Variants in PYY observed in about 807,000 individuals in gnomAD.
The protein encoded by PYY is peptide YY, also known as peptide tyrosine tyrosine.
Under a neutral mutation model 10.3 loss-of-function variants are expected in PYY, and 12 were observed. The observed-to-expected ratio is 1.17, with a 90% CI of 0.75 to 1.89. The LOEUF (loss-of-function observed/expected upper bound fraction) is 1.89. Among genes scored for constraint, PYY ranks in the 40% most tolerant of loss-of-function variants. The pLI is 0.00. For synonymous variants in PYY, 66 were observed against 62.0 expected (o/e 1.06, Z -0.30); for missense variants, 141 against 134.0 (o/e 1.05, Z -0.26).
At chr17:43,971,711 T>C (rs2048795165) in intron 1 of PYY, among the ~76,000 whole-genome samples, 1 of 151,970 alleles carries the variant, frequency 6.6e-6, no homozygotes, top group South Asian at 2.1e-4. Context: ...TTGTTGGTTT[T>C]CTTATTGTTG....
At chr17:43,973,718 C>T (rs567764393) in intron 1 of PYY, among the ~76,000 whole-genome samples, 34 of 152,288 alleles carry the variant, frequency 2.2e-4, no homozygotes, top group African/African-American at 7.5e-4. Flanking sequence ...TCACTTGAAC[C>T]GGGAAGGCAG....
intron 1 of PYY, among the ~76,000 whole-genome samples, chr17:43,973,750 G>C (rs1414390168): frequency 6.6e-6 from 1 of 152,200 alleles, no homozygotes; most frequent in Admixed American, 6.5e-5. Context: ...AGCCAAGATC[G>C]TGCCTCTGCA....
At chr17:43,977,604 CT>C (rs758749235) in intron 1 of PYY, among the ~76,000 whole-genome samples, 1 of 152,130 alleles carries the variant, frequency 6.6e-6, no homozygotes, top group Non-Finnish European at 1.5e-5. Context: ...CCTCTGTCCA[CT>C]TTCTCCTGCT....
At chr17:43,979,695 TTA>T (rs772955350) in intron 1 of PYY, among the ~76,000 whole-genome samples, 146 of 149,926 alleles carry the variant, frequency 9.7e-4, no homozygotes, top group Non-Finnish European at 1.6e-3. Context: ...AAAAAAAAAT[TTA>T]TATATATAAT....
chr17:43,962,952 C>T (rs1033067644), intron 2 of PYY, among the ~76,000 whole-genome samples: 1 of 151,650 alleles, frequency 6.6e-6, no homozygotes, highest in Non-Finnish European at 1.5e-5. Context: ...AGAGCAGGAT[C>T]AAAATTAAGC....
At chr17:43,961,460 C>A (rs1409004349) in intron 2 of PYY, among the ~76,000 whole-genome samples, 1 of 152,200 alleles carries the variant, frequency 6.6e-6, no homozygotes, top group Non-Finnish European at 1.5e-5. Flanking sequence ...GCTTCCTGTG[C>A]TCCTGTCCCA....
At position 43,952,862 on chromosome 17, in the gene PYY, G is replaced by T; in HGVS notation, c.*94C>A. 1.4e-6 allele frequency: 2 copies of T among 1,381,786 alleles called. No individual in the cohort carries two copies. Among genetic ancestry groups the T allele is most frequent in the Non-Finnish European group, 1.9e-6 (2 of 1,030,882 alleles). The allele number at this position is 1,381,786 out of a possible 1,614,324, so 85.6% of individuals were successfully genotyped here. Reference sequence around the variant, plus strand: ...ACCCGAACCCTGCCCAGACGCCGCCGTCGGGAGGCAGAATCCGGGTTTCTG... The same window carrying T: ...ACCCGAACCCTGCCCAGACGCCGCCTTCGGGAGGCAGAATCCGGGTTTCTG... On this transcript the variant is annotated 3_prime_UTR_variant, in exon 4 of 4. Coordinates refer to ENST00000692052, the MANE Select transcript of PYY (RefSeq NM_001394028.1).
At chr17:44,000,166 C>T (rs1033705379) in intron 1 of PYY, among the ~76,000 whole-genome samples, 2 of 152,154 alleles carry the variant, frequency 1.3e-5, no homozygotes, top group African/African-American at 4.8e-5. Context: ...TACACATGCA[C>T]ACCATTATGC....
chr17:43,973,201 T>C (rs943174080), intron 1 of PYY, among the ~76,000 whole-genome samples: 1 of 152,040 alleles, frequency 6.6e-6, no homozygotes, highest in African/African-American at 2.4e-5. Flanking sequence ...TGAAAGTAAG[T>C]TTTTAAAAAG....
At chr17:43,965,818 G>GAA (rs2048752314) in intron 2 of PYY, among the ~76,000 whole-genome samples, 1 of 74,360 alleles carries the variant, frequency 1.3e-5, no homozygotes, top group Non-Finnish European at 2.9e-5. Flanking sequence ...AAAAAAAAAA[G>GAA]AGAGAGAAAC....
intron 1 of PYY, among the ~76,000 whole-genome samples, chr17:43,998,121 T>A (rs2049002934): frequency 6.6e-6 from 1 of 152,126 alleles, no homozygotes; most frequent in South Asian, 2.1e-4. Context: ...GTATTTTTAG[T>A]AGAGACGGAG....
intron 2 of PYY, among the ~76,000 whole-genome samples, chr17:43,965,820 GAGA>G (rs2048752417): frequency 9.8e-6 from 1 of 102,026 alleles, no homozygotes; most frequent in Non-Finnish European, 2.1e-5. Context: ...AAAAAAAAGA[GAGA>G]GAAACAAGTA....
intron 1 of PYY, among the ~76,000 whole-genome samples, chr17:43,986,506 T>G (rs1193319536): frequency 6.6e-6 from 1 of 151,938 alleles, no homozygotes; most frequent in Non-Finnish European, 1.5e-5. Context: ...AGGAAAGGAG[T>G]TTGAATATTG....
At chr17:44,002,200 G>A (rs778019816) in intron 1 of PYY, among the ~76,000 whole-genome samples, 28 of 152,254 alleles carry the variant, frequency 1.8e-4, no homozygotes, top group African/African-American at 5.5e-4. Flanking sequence ...TCTCCCCCCC[G>A]GGACAGTGTG....
At chr17:43,995,154 T>C (rs995827568) in intron 1 of PYY, among the ~76,000 whole-genome samples, 10 of 152,212 alleles carry the variant, frequency 6.6e-5, no homozygotes, top group Admixed American at 6.5e-4. Context: ...CGAGGACCCC[T>C]GGGGTATTTT....
intron 1 of PYY, among the ~76,000 whole-genome samples, chr17:43,992,705 CA>C (rs898110304): frequency 3.3e-5 from 5 of 151,216 alleles, no homozygotes; most frequent in Non-Finnish European, 5.9e-5. Flanking sequence ...GAAACTCCAT[CA>C]AAAAAAATAA....
intron 1 of PYY, among the ~76,000 whole-genome samples, chr17:43,993,717 A>G (rs1225210019): frequency 6.6e-6 from 1 of 152,210 alleles, no homozygotes; most frequent in African/African-American, 2.4e-5. Flanking sequence ...TTTTAAGTGT[A>G]AAAAGAGCTT....
At chr17:43,954,327 A>C (rs1039591678), upstream of PYY, among the ~76,000 whole-genome samples, 4 of 152,268 alleles carry the variant, frequency 2.6e-5, no homozygotes, top group Non-Finnish European at 4.4e-5. Flanking sequence ...GAGGGTGGAC[A>C]CATTCCCTCC....
upstream of PYY, among the ~76,000 whole-genome samples, chr17:43,958,487 C>G (rs975536804): frequency 3.9e-5 from 6 of 151,964 alleles, no homozygotes; most frequent in African/African-American, 1.5e-4. Context: ...TCAAGAGATT[C>G]TCCTGCCTCA....
Sources: gnomAD v4.1 joint callset for allele counts (sites outside exome capture counted in the v4.1 genomes callset) on GRCh38, gnomAD v4.1.1 for gene constraint, MANE v1.5 for transcripts, NCBI Gene and HGNC (gene_info 2026-07-23, HGNC 2026-07-21) for gene names.